The following ASPSCR1 variants were observed in gnomAD, a reference collection of about 807,000 sequenced individuals.
ASPSCR1 encodes the protein ASPSCR1 tether for SLC2A4, UBX domain containing.
ASPSCR1 carries 55 observed loss-of-function variants against 68.9 expected under a neutral mutation model. The ratio of observed to expected loss-of-function variants is 0.80; its 90% confidence interval spans 0.64 to 1.00. The LOEUF (loss-of-function observed/expected upper bound fraction) is 1.00, where lower values mean the gene tolerates loss of function less well. ASPSCR1 is among the 50% of genes least tolerant of loss of function. The pLI is 0.00. For missense variants in ASPSCR1, 765 were observed against 762.2 expected, an observed-to-expected ratio of 1.00 and a Z score of -0.04; for synonymous variants, 352 against 332.6, an observed-to-expected ratio of 1.06 and a Z score of -0.63.
chr17:82,007,656 G>C (rs1016908527), intron 7 of ASPSCR1: 1 of 152,260 alleles, frequency 6.6e-6, no homozygotes, highest in Non-Finnish European at 1.5e-5. Flanking sequence ...GCTTCTGGGG[G>C]CTCCTCCAGG....
chr17:81,988,449 C>T (rs1461100258), intron 4 of ASPSCR1, among the ~76,000 whole-genome samples: 13 of 147,164 alleles, frequency 8.8e-5, no homozygotes, highest in Admixed American at 3.4e-4. Context: ...AGCAGGACTC[C>T]GTCTCAAAAA....
At chr17:82,010,101 T>C (rs923826191) in intron 9 of ASPSCR1, 2 of 320,178 alleles carry the variant, frequency 6.2e-6, no homozygotes, top group Non-Finnish European at 1.2e-5. Context: ...TTTTTTTTTT[T>C]ACTAGAGATG....
rs1263305588 is a variant in ASPSCR1 at position 81,996,744 on chromosome 17, A to G, written c.831A>G (p.Gly277=). 1.9e-6 allele frequency: 3 copies of G among 1,613,360 alleles called. No individual in the cohort carries two copies. The South Asian group carries it at 3.3e-5, about 18-fold the overall frequency. ...AKLPKSLSSP[G]GPSKPKKSKS... ...TGCCGAAGTCCCTCTCCAGCCCTGGAGGCCCCTCCAAGCCAAAGAAGTCCA... is the reference window on the plus strand; with the variant it reads ...TGCCGAAGTCCCTCTCCAGCCCTGGGGGCCCCTCCAAGCCAAAGAAGTCCA... The change falls in exon 7 of 16, where the codon GGA becomes GGG. Residue 277 remains glycine, a synonymous_variant. Transcript: ENST00000306739.
chr17:82,012,713 C>G (rs941605027), intron 12 of ASPSCR1, among the ~76,000 whole-genome samples: 3 of 152,178 alleles, frequency 2.0e-5, no homozygotes, highest in African/African-American at 7.2e-5. Flanking sequence ...CTGCCCCTTC[C>G]CCCTGCCCGG....
intron 12 of ASPSCR1, chr17:82,015,776 C>A: frequency 4.6e-6 from 1 of 219,614 alleles, no homozygotes. Flanking sequence ...CCTCCCCGTG[C>A]CCCCTTCCTG....
chr17:81,989,839 G>A (rs1375977848), intron 4 of ASPSCR1, among the ~76,000 whole-genome samples: 2 of 152,244 alleles, frequency 1.3e-5, no homozygotes, highest in Non-Finnish European at 2.9e-5. Context: ...CCAGGCTGGA[G>A]TGCAGTGGTG....
chr17:81,978,036 C>T (rs1448319534), intron 1 of ASPSCR1: 1 of 222,090 alleles, frequency 4.5e-6, no homozygotes, highest in Non-Finnish European at 8.7e-6. Context: ...CCGGCCGAGC[C>T]CAGCTCGCGA....
Position 82,017,320 on chromosome 17 carries a change from T to C in ASPSCR1, c.1660T>C (p.Ter554ArgextTer5). The change falls in exon 16 of 16, where the codon TGA (stop) becomes CGA (arginine). Residue 554 changes from the stop codon to arginine, a stop_lost. Coordinates refer to ENST00000306739, the MANE Select transcript of ASPSCR1 (RefSeq NM_024083.4). ...TGTCTGCACTACAGCCAGCAAGAGG[T>C]GAGAGCTGCCAGCCTGAGGTGCCCA... The part of the protein sequence containing the change: ...KWLKLPASKR[*>R] The C allele has an allele frequency of 6.2e-7, 1 of 1,610,882 alleles. No individual in the cohort carries two copies. Among genetic ancestry groups the C allele is most frequent in the South Asian group, 1.1e-5 (1 of 91,056 alleles).
In ASPSCR1 at chr17:81,977,692, GC is replaced by G; in HGVS notation, c.50del (p.Pro17ArgfsTer8). ...CGGAGGCTCCGCGGTGTCGGTGCTG[GC>G]CCCGAACGGCCGGCGCCACACGGTG... Reference protein sequence around the residue: ...GGGGSAVSVLAPNGRRHTVKV... With the variant: ...GGGGSAVSVLXPNGRRHTVKV... On this transcript the variant is annotated frameshift_variant, in exon 1 of 16. Coordinates refer to ENST00000306739, the MANE Select transcript of ASPSCR1 (RefSeq NM_024083.4). LOFTEE classifies it high-confidence loss of function. This position sits in a 1 kb window ranked among gnomAD's most constrained non-coding sequence, Gnocchi z 5.0. The G allele has an allele frequency of 7.3e-7, 1 of 1,374,662 alleles. No homozygotes were observed. The highest frequency in any genetic ancestry group is 1.5e-5 in the South Asian group (1 of 65,176). 85.2% of individuals were successfully genotyped at this position (1,374,662 alleles called of 1,614,324 possible).
chr17:81,978,991 A>G (rs2041707537), intron 1 of ASPSCR1, among the ~76,000 whole-genome samples, 193 bp from the exon 2 acceptor site: 2 of 152,096 alleles, frequency 1.3e-5, no homozygotes, highest in Admixed American at 6.5e-5. Flanking sequence ...GAAGGGAGGG[A>G]GAGTGGACAG....
chr17:82,009,593 C>G lies in ASPSCR1; in HGVS notation c.1170+26C>G. 6.5e-7 allele frequency: 1 copy of G among 1,544,632 alleles called. No individual in the cohort carries two copies. Among genetic ancestry groups the G allele is most frequent in the Non-Finnish European group, 8.7e-7 (1 of 1,151,778 alleles). ...GTCTGCAGACAGGATGTGGGGGCGA[C>G]TGAGGCACAGCTCTGAGGGGGCCCC... On this transcript the variant is annotated intron_variant, in intron 9 of 15. Transcript: ENST00000306739.
chr17:82,010,967 C>T, intron 10 of ASPSCR1, 99 bp downstream of exon 10: 1 of 1,428,056 alleles, frequency 7.0e-7, no homozygotes, highest in Non-Finnish European at 9.6e-7. Context: ...GCCACCTGGC[C>T]TGCGGGCTCC....
intron 12 of ASPSCR1, 57 bp downstream of exon 12, chr17:82,012,340 CG>C: frequency 6.4e-7 from 1 of 1,565,122 alleles, no homozygotes; most frequent in Non-Finnish European, 8.8e-7. Flanking sequence ...GAGGGCAGGA[CG>C]AGAGCGTGAG....
intron 4 of ASPSCR1, 42 bp downstream of exon 4, chr17:81,985,649 C>G: frequency 6.4e-7 from 1 of 1,572,368 alleles, no homozygotes; most frequent in Non-Finnish European, 8.7e-7. Flanking sequence ...ACCCTGTTTG[C>G]TGGGGAAGCT....
At chr17:81,981,462 T>C (rs1165261493) in intron 2 of ASPSCR1, among the ~76,000 whole-genome samples, 1 of 152,226 alleles carries the variant, frequency 6.6e-6, no homozygotes, top group East Asian at 1.9e-4. Context: ...CACTGCAACC[T>C]CTGTCTCCCA....
chr17:82,008,904 G>A (rs577836707), intron 7 of ASPSCR1, 133 bp from the exon 8 acceptor site: 37 of 1,278,040 alleles, frequency 2.9e-5, no homozygotes, highest in Middle Eastern at 2.8e-4. Flanking sequence ...TTGGCCCTGC[G>A]CTGGCCGGGG....
chr17:81,995,385 C>T (rs1598406030), intron 5 of ASPSCR1: 1 of 232,072 alleles, frequency 4.3e-6, no homozygotes, highest in Non-Finnish European at 8.4e-6. Context: ...CGGGGAGGTT[C>T]AGGTCTACGT....
intron 6 of ASPSCR1, 41 bp downstream of exon 6, chr17:81,996,106 A>T: frequency 4.0e-6 from 4 of 1,011,360 alleles, no homozygotes; most frequent in Non-Finnish European, 5.3e-6. Context: ...CTATTTAGCT[A>T]AAAAAAAAAG....
rs368684378 is a variant in ASPSCR1, at chr17:81,996,765, G to A, written c.852G>A (p.Lys284=). Residue 284 remains lysine, a synonymous_variant, in exon 7 of 16, where the codon AAG becomes AAA. Coordinates refer to ENST00000306739, the MANE Select transcript of ASPSCR1 (RefSeq NM_024083.4). ...CTGGAGGCCCCTCCAAGCCAAAGAA[G>A]TCCAAGTCGGGCCAGGATCCCCAGC... is the stretch of plus-strand genomic sequence containing the variant. The part of the protein sequence containing the change: ...SSPGGPSKPK[K]SKSGQDPQQE... 2 of 1,612,614 alleles carry A rather than the reference G, an allele frequency of 1.2e-6. No individual in the cohort carries two copies. The highest frequency in any genetic ancestry group is 1.7e-6 in the Non-Finnish European group (2 of 1,179,778).
Sources: allele counts gnomAD v4.1 joint callset (sites outside exome capture counted in the v4.1 genomes callset), GRCh38; gene constraint gnomAD v4.1.1; non-coding constraint Gnocchi (gnomAD v3.1); transcripts MANE v1.5; gene names NCBI Gene and HGNC (gene_info 2026-07-23, HGNC 2026-07-21).